PDGFRB: variants seen among roughly 807,000 people sequenced by gnomAD.
The protein encoded by PDGFRB is platelet-derived growth factor receptor beta.
In PDGFRB, 42 loss-of-function variants were observed where a neutral mutation model predicts 120.2. The ratio of observed to expected loss-of-function variants is 0.35; its 90% CI spans 0.27 to 0.45. The LOEUF is 0.45. Among genes scored for constraint, PDGFRB ranks in the 20% least tolerant of loss-of-function variants. PDGFRB has a pLI of 1.00. For synonymous variants in PDGFRB, 586 were observed against 606.8 expected (o/e 0.97, Z 0.50); for missense variants, 1,149 against 1,476.3 (o/e 0.78, Z 3.63).
chr5:150,148,155 A>G (rs779564921), intron 1 of PDGFRB, among the ~76,000 whole-genome samples: 3 of 152,182 alleles, frequency 2.0e-5, no homozygotes, highest in Non-Finnish European at 4.4e-5. Flanking sequence ...TCGGTGGCCA[A>G]CCTAAGGCCA....
rs368602685 is a variant in PDGFRB at position 150,132,781 on chromosome 5, C to T, written c.1096G>A (p.Ala366Thr). 23 of 1,613,052 alleles carry T rather than the reference C, an allele frequency of 1.4e-5. No individual in the cohort carries two copies. The highest frequency in any genetic ancestry group is 5.5e-5 in the South Asian group (5 of 90,864). The change falls in exon 7 of 23, where the codon GCC becomes ACC. Residue 366 changes from alanine to threonine, a missense_variant. Ala to Thr is a moderately conservative substitution (Grantham distance 58). Transcript: ENST00000261799. The surrounding 1 kb of genome is among the most constrained non-coding windows in gnomAD (Gnocchi z 5.0). Reference sequence around the variant, plus strand: ...TCCGACACGTTGCGCGTGGACAGGGCGATTTCGCCAGCGCTGGAGTCGCCC... The same window carrying T: ...TCCGACACGTTGCGCGTGGACAGGGTGATTTCGCCAGCGCTGGAGTCGCCC... ...TLGDSSAGEI[A>T]LSTRNVSETR...
intron 10 of PDGFRB, among the ~76,000 whole-genome samples, chr5:150,129,333 T>C (rs1258436557): frequency 6.6e-6 from 1 of 152,108 alleles, no homozygotes; most frequent in African/African-American, 2.4e-5. Context: ...TTTACATACA[T>C]GGACAGGCAT....
chr5:150,124,178 G>A, intron 14 of PDGFRB, 72 bp downstream of exon 14: 1 of 1,015,070 alleles, frequency 9.9e-7, no homozygotes, highest in Non-Finnish European at 1.5e-6. Context: ...AAGGCCTGAG[G>A]GGGGGGTAGG....
chr5:150,137,226 C>G, intron 1 of PDGFRB, 173 bp from the exon 2 acceptor site: 1 of 580,126 alleles, frequency 1.7e-6, no homozygotes, highest in South Asian at 2.1e-5. Flanking sequence ...CTCATGACCA[C>G]AGGCTGTCTC....
intron 6 of PDGFRB, among the ~76,000 whole-genome samples, chr5:150,133,327 G>A (rs1160558989): frequency 6.6e-6 from 1 of 152,172 alleles, no homozygotes; most frequent in Non-Finnish European, 1.5e-5. Flanking sequence ...GGTTGAGATA[G>A]GGTTGGATTT....
In PDGFRB at chr5:150,137,135, T is replaced by C. The variant is rs1393947099; in HGVS notation, c.-6-82A>G. 4 of 1,223,776 alleles carry C rather than the reference T, an allele frequency of 3.3e-6. No homozygotes were observed. The African/African-American group carries it at 4.5e-5, about 14-fold the overall frequency. The allele number at this position is 1,223,776 out of a possible 1,614,324, so 75.8% of individuals were successfully genotyped here. ...ATCTCACCACCTGGCTCCTGCAGAA[T>C]GAGCCCCAGCTTGGGCCACCCAGCC... On this transcript the variant is annotated intron_variant, in intron 1 of 22. Transcript: ENST00000261799.
chr5:150,117,497 T>C (rs1759972984), intron 22 of PDGFRB, 121 bp downstream of exon 22: 2 of 627,082 alleles, frequency 3.2e-6, no homozygotes, highest in East Asian at 2.7e-5. Context: ...GTACTTACCC[T>C]ACGTAACTTA....
At chr5:150,127,611 G>C (rs900886521) in intron 10 of PDGFRB, among the ~76,000 whole-genome samples, 2 of 152,044 alleles carry the variant, frequency 1.3e-5, no homozygotes, top group South Asian at 4.1e-4. Context: ...CAAGGTGGGC[G>C]GATCACGAGG....
In PDGFRB at chr5:150,122,060, A is replaced by G; in HGVS notation, c.2184-20T>C. On this transcript the variant is annotated intron_variant, in intron 15 of 22. Coordinates refer to ENST00000261799, the MANE Select transcript of PDGFRB (RefSeq NM_002609.4). ...ACATGGCTGGGGGTAAAGGAGCATC[A>G]CAGGAGAGCCTGCAGGCTTTGCCTT... 1 of 1,608,782 alleles carries G rather than the reference A, an allele frequency of 6.2e-7. No individual in the cohort carries two copies. Among genetic ancestry groups the G allele is most frequent in the Non-Finnish European group, 8.5e-7 (1 of 1,177,330 alleles).
intron 1 of PDGFRB, among the ~76,000 whole-genome samples, chr5:150,139,380 C>A (rs1377386650): frequency 1.3e-5 from 2 of 152,124 alleles, no homozygotes; most frequent in Non-Finnish European, 2.9e-5. Flanking sequence ...CTGAACTCTG[C>A]GTCCCCATCC....
chr5:150,142,132 C>T (rs1760801166), intron 1 of PDGFRB, among the ~76,000 whole-genome samples: 1 of 152,170 alleles, frequency 6.6e-6, no homozygotes. Context: ...ATCTAACTGC[C>T]TTCCTGTGCT....
At chr5:150,118,644 G>A (rs905142051) in intron 21 of PDGFRB, 103 bp downstream of exon 21, 49 of 770,762 alleles carry the variant, frequency 6.4e-5, no homozygotes, top group Non-Finnish European at 7.0e-6. Flanking sequence ...GAGGACAAAG[G>A]GTGGTCCCCT....
intron 13 of PDGFRB, 164 bp from the exon 14 acceptor site, chr5:150,124,524 A>AG: frequency 1.6e-6 from 1 of 630,842 alleles, no homozygotes; most frequent in Non-Finnish European, 2.8e-6. Context: ...AGGCCAGGGT[A>AG]GGGGGAAGCA....
At chr5:150,119,624 A>G in intron 19 of PDGFRB, 58 bp from the exon 20 acceptor site, 1 of 1,001,994 alleles carries the variant, frequency 1.0e-6, no homozygotes, top group South Asian at 1.3e-5. Context: ...GTGGCAGGGC[A>G]CCCTCTTCTA....
intron 11 of PDGFRB, among the ~76,000 whole-genome samples, chr5:150,125,942 T>C (rs1249821307): frequency 6.6e-6 from 1 of 152,184 alleles, no homozygotes; most frequent in Non-Finnish European, 1.5e-5. Flanking sequence ...CTCGGCTGGA[T>C]GCGGATGGCC....
At chr5:150,124,409 G>C in intron 13 of PDGFRB, 49 bp from the exon 14 acceptor site, 1 of 1,339,510 alleles carries the variant, frequency 7.5e-7, no homozygotes, top group Admixed American at 1.7e-5. Flanking sequence ...GAGGCTCCAT[G>C]GAGGCCCCAC....
In PDGFRB at chr5:150,134,497, G is replaced by A. The variant is rs957273960; in HGVS notation, c.631+253C>T. Among the ~76,000 whole-genome samples the A allele has an allele frequency of 4.6e-5, 7 of 152,338 alleles. No homozygotes were observed. The South Asian group carries it at 1.0e-3, about 23-fold the overall frequency. ...TTCGACCCAGCTGGCTCTGAAGCTT[G>A]TGCCCTCACCGACCATGTTGCACAG... is the stretch of plus-strand genomic sequence containing the variant. On this transcript the variant is annotated intron_variant, in intron 4 of 22. Coordinates refer to ENST00000261799, the MANE Select transcript of PDGFRB (RefSeq NM_002609.4).
rs187378951 is a variant in PDGFRB at position 150,129,982 on chromosome 5, C to T, written c.1368-14G>A. On this transcript the variant is annotated splice_polypyrimidine_tract_variant and intron_variant, in intron 9 of 22. Transcript: ENST00000261799. Reference sequence around the variant, plus strand: ...TCACGTGGACACCTGCCAGGAGAGCCGGTAGGGTTGGCTGCCAGCCCCTTC... The same window carrying T: ...TCACGTGGACACCTGCCAGGAGAGCTGGTAGGGTTGGCTGCCAGCCCCTTC... 291 of 1,608,272 alleles carry T rather than the reference C, an allele frequency of 1.8e-4. 1 individual carries two copies. Among genetic ancestry groups the T allele is most frequent in the South Asian group, 4.2e-4 (38 of 90,990 alleles).
At chr5:150,153,898 GCTC>G (rs1049230085) in intron 1 of PDGFRB, 1 of 152,214 alleles carries the variant, frequency 6.6e-6, no homozygotes. Flanking sequence ...TCTTCAGTGA[GCTC>G]CTCCTCCCTT....
Sources: gnomAD v4.1 joint callset for allele counts (sites outside exome capture counted in the v4.1 genomes callset) on GRCh38, gnomAD v4.1.1 for gene constraint, Gnocchi (gnomAD v3.1) non-coding constraint, MANE v1.5 for transcripts, NCBI Gene and HGNC (gene_info 2026-07-23, HGNC 2026-07-21) for gene names.